Variants in PDE11A observed in about 807,000 individuals in gnomAD.
PDE11A encodes dual 3',5'-cyclic-AMP and -GMP phosphodiesterase 11A.
In PDE11A, 100 loss-of-function variants were observed where a neutral mutation model predicts 100.5. The ratio of observed to expected loss-of-function variants is 1.00; its 90% CI spans 0.85 to 1.18. The LOEUF (loss-of-function observed/expected upper bound fraction) is 1.18. Ranked by LOEUF, PDE11A falls within the 50% of genes most tolerant of loss-of-function variation. The probability of loss-of-function intolerance (pLI) is 0.00; values close to 1 mark genes in which losing one functional copy is unlikely to be tolerated. For synonymous variants in PDE11A, 381 were observed against 420.8 expected, an observed-to-expected ratio of 0.91 and a Z score of 1.16; for missense variants, 1,141 against 1,152.6, an observed-to-expected ratio of 0.99 and a Z score of 0.15.
At chr2:177,962,991 G>A (rs1369519) in intron 2 of PDE11A, among the ~76,000 whole-genome samples, 3 of 152,068 alleles carry the variant, frequency 2.0e-5, no homozygotes, top group East Asian at 1.9e-4. Context: ...GAAAAGTTGC[G>A]AAGAAGAATT....
At chr2:177,940,181 A>G (rs185556916) in intron 2 of PDE11A, among the ~76,000 whole-genome samples, 13 of 152,234 alleles carry the variant, frequency 8.5e-5, no homozygotes, top group Non-Finnish European at 1.6e-4. Context: ...TTACTATACT[A>G]TTTTATCTAA....
intron 10 of PDE11A, among the ~76,000 whole-genome samples, chr2:177,736,928 T>C (rs2081793054): frequency 6.6e-6 from 1 of 152,072 alleles, no homozygotes; most frequent in South Asian, 2.1e-4. Flanking sequence ...AAACACACAA[T>C]ACCTAAAGAC....
chr2:177,893,568 G>C (rs564399411), intron 4 of PDE11A, among the ~76,000 whole-genome samples: 17 of 152,278 alleles, frequency 1.1e-4, no homozygotes, highest in African/African-American at 4.1e-4. Flanking sequence ...TGTGGACAGG[G>C]GGACTTCCCT....
chr2:177,989,608 TG>T (rs1055434718), intron 2 of PDE11A, among the ~76,000 whole-genome samples: 1 of 152,166 alleles, frequency 6.6e-6, no homozygotes, highest in African/African-American at 2.4e-5. Context: ...GTCCCAATTT[TG>T]AGAGAGAATA....
intron 2 of PDE11A, among the ~76,000 whole-genome samples, chr2:177,991,244 T>C (rs1443439645): frequency 6.7e-6 from 1 of 150,156 alleles, no homozygotes; most frequent in Non-Finnish European, 1.5e-5. Context: ...GGCAGGAGAA[T>C]CGCTTGAACC....
intron 2 of PDE11A, among the ~76,000 whole-genome samples, chr2:178,001,033 G>C (rs573208894): frequency 2.6e-5 from 4 of 152,156 alleles, no homozygotes; most frequent in Non-Finnish European, 4.4e-5. Flanking sequence ...AGCGACCCTG[G>C]ACACATTTTT....
intron 12 of PDE11A, among the ~76,000 whole-genome samples, chr2:177,721,761 G>A (rs981242881): frequency 2.6e-5 from 4 of 152,098 alleles, no homozygotes; most frequent in Non-Finnish European, 5.9e-5. Context: ...CAGATCACTT[G>A]CTGCACATTA....
At chr2:177,919,150 T>C (rs1014463654) in intron 2 of PDE11A, among the ~76,000 whole-genome samples, 1 of 147,362 alleles carries the variant, frequency 6.8e-6, no homozygotes, top group Non-Finnish European at 1.5e-5. Flanking sequence ...CAGGCTGGAG[T>C]GCAGTGGCAT....
chr2:177,918,379 T>G (rs1027199714), intron 2 of PDE11A, among the ~76,000 whole-genome samples: 1 of 152,218 alleles, frequency 6.6e-6, no homozygotes, highest in Non-Finnish European at 1.5e-5. Context: ...CTCTTCATGG[T>G]TCAGCTATTT....
At chr2:177,957,443 C>T (rs2085579403) in intron 2 of PDE11A, among the ~76,000 whole-genome samples, 1 of 152,078 alleles carries the variant, frequency 6.6e-6, no homozygotes, top group Admixed American at 6.5e-5. Flanking sequence ...AAAAAACTTC[C>T]CCTGGGTAAT....
chr2:177,805,831 C>A (rs1037635388), intron 9 of PDE11A, among the ~76,000 whole-genome samples: 3 of 152,086 alleles, frequency 2.0e-5, no homozygotes, highest in Non-Finnish European at 4.4e-5. Flanking sequence ...TCACTGCCTT[C>A]ATAACAAGAA....
intron 2 of PDE11A, among the ~76,000 whole-genome samples, chr2:177,930,438 A>C (rs1040001288): frequency 4.6e-5 from 7 of 152,222 alleles, no homozygotes; most frequent in African/African-American, 7.2e-5. Flanking sequence ...ACCAAAAAAA[A>C]AAAAGTCTTG....
chr2:177,994,984 A>G (rs1459105199), intron 2 of PDE11A, among the ~76,000 whole-genome samples: 4 of 152,198 alleles, frequency 2.6e-5, no homozygotes, highest in Middle Eastern at 3.2e-3. Flanking sequence ...AGGAAAGGGA[A>G]AGGGAAGAGT....
intron 10 of PDE11A, among the ~76,000 whole-genome samples, chr2:177,756,236 A>C (rs58408943): frequency 0.064 from 9,763 of 152,216 alleles, 333 homozygotes; most frequent in Middle Eastern, 0.15. Flanking sequence ...GGGGTTATCA[A>C]AATAACCAGC....
At chr2:177,908,191 A>C (rs2084820781) in intron 2 of PDE11A, among the ~76,000 whole-genome samples, 2 of 152,234 alleles carry the variant, frequency 1.3e-5, no homozygotes, top group Non-Finnish European at 2.9e-5. Flanking sequence ...GGTTAACTGC[A>C]ATGCAAGATA....
chr2:177,928,840 G>A (rs2085167053), intron 2 of PDE11A, among the ~76,000 whole-genome samples: 3 of 151,778 alleles, frequency 2.0e-5, no homozygotes, highest in African/African-American at 7.3e-5. Context: ...TGTAGCCTGG[G>A]TTACAGAGAA....
chr2:177,634,899 A>G (rs553899831), intron 19 of PDE11A, among the ~76,000 whole-genome samples: 30 of 152,224 alleles, frequency 2.0e-4, no homozygotes, highest in African/African-American at 6.5e-4. Context: ...TGAGAATGCT[A>G]TTGTCTAGTT....
chr2:177,737,268 T>C (rs911619726), intron 10 of PDE11A, among the ~76,000 whole-genome samples: 1 of 143,674 alleles, frequency 7.0e-6, no homozygotes, highest in Non-Finnish European at 1.5e-5. Flanking sequence ...AATAAATAAA[T>C]AAAATAAAAT....
chr2:177,986,071 A>G (rs1272599169), intron 2 of PDE11A, among the ~76,000 whole-genome samples: 3 of 152,082 alleles, frequency 2.0e-5, no homozygotes, highest in African/African-American at 7.2e-5. Flanking sequence ...GATTAACCCC[A>G]CCCTGTTGTA....
Sources: allele counts gnomAD v4.1 joint callset (sites outside exome capture counted in the v4.1 genomes callset), GRCh38; gene constraint gnomAD v4.1.1; transcripts MANE v1.5; gene names NCBI Gene and HGNC (gene_info 2026-07-23, HGNC 2026-07-21).